CCDC171: variants seen among roughly 807,000 people sequenced by gnomAD.
CCDC171 encodes coiled-coil domain containing 171.
A neutral mutation model predicts 168.2 loss-of-function variants in CCDC171; 177 were observed. That is an observed-to-expected ratio of 1.05 (90% CI 0.93 to 1.19). CCDC171 has a LOEUF of 1.19. CCDC171 is among the 50% of genes most tolerant of loss of function. The probability of loss-of-function intolerance (pLI) is 0.00; values close to 1 mark genes in which losing one functional copy is unlikely to be tolerated. For synonymous variants in CCDC171, 687 were observed against 540.8 expected, an observed-to-expected ratio of 1.27 and a Z score of -3.75; for missense variants, 1,991 against 1,539.0, an observed-to-expected ratio of 1.29 and a Z score of -4.91.
chr9:15,825,370 A>G (rs1335255364), intron 21 of CCDC171, among the ~76,000 whole-genome samples: 1 of 152,120 alleles, frequency 6.6e-6, no homozygotes, highest in Non-Finnish European at 1.5e-5. Context: ...TTGGATTCTC[A>G]TGAGGATCCT....
chr9:16,017,325 T>G (rs1210089269), intron 3 of CCDC171, among the ~76,000 whole-genome samples: 4 of 152,152 alleles, frequency 2.6e-5, no homozygotes, highest in Non-Finnish European at 4.4e-5. Context: ...CCATTTTGAT[T>G]TAAAAACTCA....
intron 3 of CCDC171, among the ~76,000 whole-genome samples, chr9:15,988,988 C>G (rs1832093450): frequency 6.6e-6 from 1 of 152,204 alleles, no homozygotes. Context: ...CCTCTGTAGA[C>G]TCCACCTCTG....
intron 9 of CCDC171, among the ~76,000 whole-genome samples, chr9:15,678,457 C>A (rs373199850): frequency 6.6e-6 from 1 of 152,068 alleles, no homozygotes; most frequent in African/African-American, 2.4e-5. Flanking sequence ...AATTGAACTA[C>A]GGTAGGTGGG....
At chr9:16,039,867 T>TG (rs1457010364), upstream of CCDC171, among the ~76,000 whole-genome samples, 99 of 151,750 alleles carry the variant, frequency 6.5e-4, no homozygotes, top group Admixed American at 6.5e-3. Flanking sequence ...TGTAATGGGG[T>TG]GGGGGGTGGA....
chr9:15,934,630 C>A (rs1472121878), intron 25 of CCDC171, among the ~76,000 whole-genome samples: 1 of 151,870 alleles, frequency 6.6e-6, no homozygotes, highest in Non-Finnish European at 1.5e-5. Context: ...TACCATATGA[C>A]CCAGCAAATT....
At chr9:16,067,386 C>T in the CCDC171 span, among the ~76,000 whole-genome samples, 27 of 152,184 alleles carry the variant, frequency 1.8e-4, no homozygotes, top group East Asian at 5.8e-4. Context: ...GAGTAGGTCG[C>T]GAAAATTGTC....
chr9:15,998,332 A>G (rs140679681), intron 3 of CCDC171, among the ~76,000 whole-genome samples: 81 of 152,244 alleles, frequency 5.3e-4, no homozygotes, highest in African/African-American at 1.9e-3. Flanking sequence ...TGTTAGGCTG[A>G]CTTCTTCTGG....
chr9:15,752,969 C>T (rs1282568593), intron 18 of CCDC171, among the ~76,000 whole-genome samples: 3 of 151,984 alleles, frequency 2.0e-5, no homozygotes, highest in African/African-American at 7.2e-5. Context: ...GTTTCTTAAG[C>T]TATCTTCTTG....
intron 21 of CCDC171, among the ~76,000 whole-genome samples, chr9:15,836,406 C>T (rs2060452675): frequency 6.6e-6 from 1 of 152,146 alleles, no homozygotes; most frequent in South Asian, 2.1e-4. Flanking sequence ...CTCTCTGTCG[C>T]CCAGGCTGGA....
intron 7 of CCDC171, among the ~76,000 whole-genome samples, chr9:15,630,682 G>C (rs1378563381): frequency 6.6e-6 from 1 of 152,146 alleles, no homozygotes; most frequent in Non-Finnish European, 1.5e-5. Context: ...AGACCTAATA[G>C]ACATCTACAG....
At chr9:16,041,083 A>G (rs1833564338), upstream of CCDC171, among the ~76,000 whole-genome samples, 1 of 152,230 alleles carries the variant, frequency 6.6e-6, no homozygotes, top group South Asian at 2.1e-4. Flanking sequence ...TTAAAATATG[A>G]CAAGGAAAGA....
chr9:15,952,338 T>A (rs1469666601), intron 25 of CCDC171, among the ~76,000 whole-genome samples: 1 of 152,190 alleles, frequency 6.6e-6, no homozygotes, highest in East Asian at 1.9e-4. Flanking sequence ...GTTCTCCTTT[T>A]TTCAATCTTG....
At chr9:15,660,992 G>GT (rs1217310437) in intron 8 of CCDC171, among the ~76,000 whole-genome samples, 5 of 152,194 alleles carry the variant, frequency 3.3e-5, no homozygotes, top group Admixed American at 6.5e-5. Context: ...TTAACATGCT[G>GT]TTTTTTTGCC....
intron 24 of CCDC171, among the ~76,000 whole-genome samples, chr9:15,894,609 T>C (rs1234794790): frequency 6.6e-6 from 1 of 152,018 alleles, no homozygotes; most frequent in Non-Finnish European, 1.5e-5. Context: ...TCTCATTCAC[T>C]GAACTATAGT....
intron 24 of CCDC171, among the ~76,000 whole-genome samples, chr9:15,882,029 A>G (rs1020719557): frequency 6.6e-6 from 1 of 152,202 alleles, no homozygotes; most frequent in Non-Finnish European, 1.5e-5. Flanking sequence ...ACTGTTCTCC[A>G]TAGTGCCTTA....
chr9:15,755,308 C>A (rs1357449196), intron 18 of CCDC171, among the ~76,000 whole-genome samples: 1 of 152,078 alleles, frequency 6.6e-6, no homozygotes, highest in African/African-American at 2.4e-5. Context: ...AATGTGAAGG[C>A]ATTCGTACAT....
At position 15,836,475 on chromosome 9, in the gene CCDC171, C is replaced by G. The variant is rs191528098; in HGVS notation, c.3268-10227C>G. ...CCGCCTCCCGGGTTCACGCCATTCT[C>G]CTGCCTCAGCCTCCCGAGTAGCTGG... is the stretch of plus-strand genomic sequence containing the variant. On this transcript the variant is annotated intron_variant, in intron 21 of 25. Coordinates refer to ENST00000380701, the MANE Select transcript of CCDC171 (RefSeq NM_173550.4). 7.9e-3 allele frequency among the ~76,000 whole-genome samples: 1,208 copies of G among 152,276 alleles called. 12 individuals are homozygous for G. Among genetic ancestry groups the G allele is most frequent in the African/African-American group, 0.028 (1,152 of 41,554 alleles).
intron 17 of CCDC171, 36 bp downstream of exon 17, chr9:15,744,813 A>G: frequency 3.2e-6 from 5 of 1,583,698 alleles, no homozygotes; most frequent in South Asian, 1.2e-5. Context: ...TATAAGTTGC[A>G]TGTAAGCGAA....
chr9:15,723,596 A>G lies in CCDC171; in HGVS notation c.1426-85A>G, dbSNP rs537438936. 75 of 881,840 alleles carry G rather than the reference A, an allele frequency of 8.5e-5. No individual in the cohort carries two copies. In the African/African-American group the frequency reaches 1.2e-3, roughly 14 times the overall value. 54.6% of individuals were successfully genotyped at this position (881,840 alleles called of 1,614,324 possible). A position where few individuals can be genotyped will look rare whatever the true frequency, so the allele number is the denominator to read the frequency against. On this transcript the variant is annotated intron_variant, in intron 12 of 25. Transcript: ENST00000380701. ...ATTGCATAAAAAGCACTTAAAGATT[A>G]ACTTTTGAGTTACCCATCCTTGAAA...
Sources: allele counts gnomAD v4.1 joint callset (sites outside exome capture counted in the v4.1 genomes callset), GRCh38; gene constraint gnomAD v4.1.1; transcripts MANE v1.5; gene names NCBI Gene and HGNC (gene_info 2026-07-23, HGNC 2026-07-21).